The following NRAP variants were observed in gnomAD, a reference collection of about 807,000 sequenced individuals.
NRAP encodes nebulin related anchoring protein, also known as nebulin-related-anchoring protein.
Under a neutral mutation model 225.9 loss-of-function variants are expected in NRAP, and 189 were observed. That is an observed-to-expected ratio of 0.84 (90% confidence interval 0.74 to 0.94). The LOEUF is 0.94. Ranked by LOEUF, NRAP falls within the 40% of genes least tolerant of loss-of-function variation. NRAP has a pLI of 0.00. For synonymous variants in NRAP, 769 were observed against 790.7 expected (o/e 0.97, Z 0.46); for missense variants, 2,176 against 2,168.7 (o/e 1.00, Z -0.07).
At chr10:113,599,408 A>G (rs1846469011) in intron 35 of NRAP, among the ~76,000 whole-genome samples, 2 of 152,334 alleles carry the variant, frequency 1.3e-5, no homozygotes, top group African/African-American at 2.4e-5. Context: ...TTTGCCTTGC[A>G]CTCTGATAAA....
At position 113,622,082 on chromosome 10, in the gene NRAP, G is replaced by C; in HGVS notation, c.2556C>G (p.Ser852=). ...DSQMSHSLQM[S]KLQSELEYKK... ...TGTACTCCAGCTCACTCTGCAGCTTGGACATTTGCAGTGAGTGGCTCATTT... is the reference window on the plus strand; with the variant it reads ...TGTACTCCAGCTCACTCTGCAGCTTCGACATTTGCAGTGAGTGGCTCATTT... Residue 852 remains serine (S), a synonymous_variant, in exon 24 of 42, where the codon TCC becomes TCG. Transcript: ENST00000359988. 6.2e-7 allele frequency: 1 copy of C among 1,614,086 alleles called. No homozygotes were observed. Among genetic ancestry groups the C allele is most frequent in the Non-Finnish European group, 8.5e-7 (1 of 1,179,954 alleles).
intron 3 of NRAP, among the ~76,000 whole-genome samples, chr10:113,658,545 C>T (rs1006372228): frequency 6.6e-6 from 1 of 152,052 alleles, no homozygotes. Flanking sequence ...TAGGTCCAAA[C>T]TAAGATATCA....
chr10:113,648,329 G>GT (rs1592854640), intron 9 of NRAP, among the ~76,000 whole-genome samples: 1 of 151,704 alleles, frequency 6.6e-6, no homozygotes, highest in East Asian at 1.9e-4. Context: ...AATATAATAA[G>GT]TAAAAAAAGG....
intron 30 of NRAP, 75 bp downstream of exon 30, chr10:113,612,159 A>T: frequency 5.7e-6 from 7 of 1,218,730 alleles, no homozygotes. Context: ...CACTGAGCCA[A>T]CAGGAGCCTG....
chr10:113,631,373 T>C (rs1403255469), intron 18 of NRAP, 136 bp downstream of exon 18: 1 of 604,192 alleles, frequency 1.7e-6, no homozygotes, highest in African/African-American at 1.9e-5. Context: ...ACAAACTTCT[T>C]ATGCAAGCCA....
Position 113,641,387 on chromosome 10 carries a change from T to C in NRAP, c.1301A>G (p.Lys434Arg). Residue 434 changes from lysine to arginine, a missense_variant, in exon 13 of 42, where the codon AAA becomes AGA. By Grantham distance (26) the Lys-to-Arg change is conservative. Around this residue, in one of 3 missense-constraint regions of NRAP, gnomAD observed 1,708 missense variants for 1,695.5 expected, o/e 1.01. Coordinates refer to ENST00000359988, the MANE Select transcript of NRAP (RefSeq NM_198060.4). ...CACGTTGCTTGCCAGGCTGCCAACT[T>C]TCATAGCATGCAGAGTGCGTCTGTC... ...GMDRRTLHAMKVGSLASNVAY... is the reference protein window; with the variant it reads ...GMDRRTLHAMRVGSLASNVAY... 2.5e-6 allele frequency: 4 copies of C among 1,613,434 alleles called. No homozygotes were observed. Among genetic ancestry groups the C allele is most frequent in the Non-Finnish European group, 3.4e-6 (4 of 1,179,556 alleles).
chr10:113,658,618 C>T (rs3127118), intron 3 of NRAP, among the ~76,000 whole-genome samples: 25,246 of 152,078 alleles, frequency 0.17, 2,620 homozygotes, highest in Admixed American at 0.3. Context: ...CAGTACCTCA[C>T]GCCTGCACTC....
chr10:113,647,117 A>C, intron 9 of NRAP, 90 bp from the exon 10 acceptor site: 2 of 819,170 alleles, frequency 2.4e-6, no homozygotes, highest in Non-Finnish European at 4.3e-6. Context: ...GCCTATTCTC[A>C]CAGAGGTTCA....
chr10:113,651,317 T>G (rs1033092397), intron 7 of NRAP, among the ~76,000 whole-genome samples: 6 of 152,190 alleles, frequency 3.9e-5, no homozygotes, highest in African/African-American at 1.4e-4. Flanking sequence ...GCCTTCCTCA[T>G]TTCTCTCTCT....
chr10:113,606,387 A>G, intron 32 of NRAP, 105 bp from the exon 33 acceptor site: 1 of 690,198 alleles, frequency 1.4e-6, no homozygotes, highest in South Asian at 1.7e-5. Flanking sequence ...AATAGCAAAA[A>G]ACCGTTCATT....
At chr10:113,606,951 C>G (rs111706228) in intron 32 of NRAP, among the ~76,000 whole-genome samples, 6 of 151,966 alleles carry the variant, frequency 3.9e-5, no homozygotes, top group African/African-American at 1.2e-4. Flanking sequence ...GCCTGTAATC[C>G]CAGCACTGTA....
intron 35 of NRAP, among the ~76,000 whole-genome samples, chr10:113,603,723 C>A (rs931304442): frequency 6.6e-6 from 1 of 152,196 alleles, no homozygotes; most frequent in Non-Finnish European, 1.5e-5. Context: ...CAGCCTCAAA[C>A]AGGTCAAGGC....
chr10:113,637,431 A>G (rs185305402), intron 14 of NRAP, among the ~76,000 whole-genome samples: 2 of 152,330 alleles, frequency 1.3e-5, no homozygotes, highest in Admixed American at 6.5e-5. Context: ...TGCCAAAGCT[A>G]GTGTGCTTAG....
chr10:113,657,063 G>A (rs1850350824), intron 4 of NRAP, among the ~76,000 whole-genome samples: 1 of 152,166 alleles, frequency 6.6e-6, no homozygotes, highest in African/African-American at 2.4e-5. Flanking sequence ...TGACCCATGT[G>A]AGTACAACAG....
chr10:113,592,893 C>G (rs961325609), intron 38 of NRAP, among the ~76,000 whole-genome samples: 8 of 152,208 alleles, frequency 5.3e-5, no homozygotes, highest in Non-Finnish European at 8.8e-5. Flanking sequence ...TGACCGAGTA[C>G]CTGACCCATG....
intron 41 of NRAP, 82 bp downstream of exon 41, chr10:113,589,584 A>G: frequency 6.5e-7 from 1 of 1,528,530 alleles, no homozygotes. Context: ...TTTGGCCAAA[A>G]ATAAACTTTG....
rs144314453 is a variant in NRAP, at chr10:113,622,110, G to A, written c.2528C>T (p.Ser843Leu). The change falls in exon 24 of 42, where the codon TCG (serine) becomes TTG (leucine). Residue 843 changes from serine to leucine, a missense_variant. By Grantham distance (145) the Ser-to-Leu change is moderately radical. Coordinates refer to ENST00000359988, the MANE Select transcript of NRAP (RefSeq NM_198060.4). ...LIGAKDVQGD[S>L]QMSHSLQMSK... ...CATTTGCAGTGAGTGGCTCATTTGC[G>A]AATCTCCCTGTACATCTTTTGCCCC... 38 of 1,613,786 alleles carry A rather than the reference G, an allele frequency of 2.4e-5. No homozygotes were observed. Among genetic ancestry groups the A allele is most frequent in the South Asian group, 5.5e-5 (5 of 91,070 alleles).
At chr10:113,594,982 C>T (rs1366644075) in intron 38 of NRAP, among the ~76,000 whole-genome samples, 1 of 152,228 alleles carries the variant, frequency 6.6e-6, no homozygotes, top group Non-Finnish European at 1.5e-5. Flanking sequence ...ACCTGTTATC[C>T]AAGGATCACA....
chr10:113,624,989 C>A, intron 21 of NRAP, 59 bp from the exon 22 acceptor site: 1 of 1,014,208 alleles, frequency 9.9e-7, no homozygotes, highest in South Asian at 1.3e-5. Flanking sequence ...GGCAGGGTGG[C>A]ATCCCTCATG....
Sources: gnomAD v4.1 joint callset for allele counts (sites outside exome capture counted in the v4.1 genomes callset) on GRCh38, gnomAD v4.1.1 for gene constraint, gnomAD v4.1.1 regional missense constraint, MANE v1.5 for transcripts, NCBI Gene and HGNC (gene_info 2026-07-23, HGNC 2026-07-21) for gene names.